Variants in ERLEC1 observed in about 807,000 individuals in gnomAD.
The protein encoded by ERLEC1 is endoplasmic reticulum lectin 1.
ERLEC1 carries 47 observed loss-of-function variants against 68.0 expected under a neutral mutation model. The observed-to-expected ratio is 0.69, with a 90% confidence interval of 0.55 to 0.88. The LOEUF (loss-of-function observed/expected upper bound fraction) is 0.88, where lower values mean the gene tolerates loss of function less well. Ranked by LOEUF, ERLEC1 falls within the 40% of genes least tolerant of loss-of-function variation. The probability of loss-of-function intolerance (pLI) is 0.00; values close to 1 mark genes in which losing one functional copy is unlikely to be tolerated. For missense variants in ERLEC1, 567 were observed against 583.8 expected, an observed-to-expected ratio of 0.97 and a Z score of 0.30; for synonymous variants, 225 against 203.2, an observed-to-expected ratio of 1.11 and a Z score of -0.91.
At position 53,787,215 on chromosome 2, in the gene ERLEC1, A is replaced by T; in HGVS notation, c.5A>T (p.Glu2Val). ...TGGAGAAAGCGGCGGCGGAGGATGG[A>T]GGAAGGAGGCGGCGGCGTACGGAGT... Reference protein sequence around the residue: MEEGGGGVRSLV... With the variant: MVEGGGGVRSLV... Residue 2 changes from glutamate to valine, a missense_variant, in exon 1 of 14, where the codon GAG (glutamate) becomes GTG (valine). Glu to Val is a moderately radical substitution (Grantham distance 121). Coordinates refer to ENST00000185150, the MANE Select transcript of ERLEC1 (RefSeq NM_015701.5). 6.3e-7 allele frequency: 1 copy of T among 1,583,224 alleles called. No individual in the cohort carries two copies. The highest frequency in any genetic ancestry group is 1.7e-5 in the Admixed American group (1 of 59,120).
At chr2:53,810,347 A>C (rs1049599133) in intron 10 of ERLEC1, among the ~76,000 whole-genome samples, 1 of 152,138 alleles carries the variant, frequency 6.6e-6, no homozygotes, top group African/African-American at 2.4e-5. Context: ...ATACCATATC[A>C]TCTAAGTTTA....
At chr2:53,806,146 A>G (rs1163022933) in intron 8 of ERLEC1, among the ~76,000 whole-genome samples, 3 of 152,216 alleles carry the variant, frequency 2.0e-5, no homozygotes, top group Admixed American at 6.5e-5. Flanking sequence ...AAATCTGGCT[A>G]TCAGAGTTTT....
chr2:53,809,848 G>C (rs1256805218), intron 10 of ERLEC1, among the ~76,000 whole-genome samples: 1 of 152,168 alleles, frequency 6.6e-6, no homozygotes, highest in Non-Finnish European at 1.5e-5. Context: ...CTGAGGTCAG[G>C]AGTTCGAGAC....
intron 8 of ERLEC1, among the ~76,000 whole-genome samples, chr2:53,802,212 A>G (rs1038143074): frequency 1.3e-5 from 2 of 152,054 alleles, no homozygotes; most frequent in Non-Finnish European, 2.9e-5. Context: ...ACTTCTCTAC[A>G]CTGCCTCCCC....
chr2:53,788,525 T>G (rs980580436), intron 1 of ERLEC1: 6 of 151,838 alleles, frequency 4.0e-5, no homozygotes, highest in Non-Finnish European at 7.4e-5. Flanking sequence ...AGCTTCCCAG[T>G]AGCTGGGACT....
chr2:53,799,950 A>G (rs1675919247), intron 6 of ERLEC1, among the ~76,000 whole-genome samples: 1 of 152,162 alleles, frequency 6.6e-6, no homozygotes, highest in South Asian at 2.1e-4. Context: ...GTGTAAAATG[A>G]TAAAGGAAGA....
chr2:53,798,678 G>A (rs1346813329), intron 5 of ERLEC1, among the ~76,000 whole-genome samples: 1 of 151,218 alleles, frequency 6.6e-6, no homozygotes, highest in Non-Finnish European at 1.5e-5. Flanking sequence ...CTTCTGCTTG[G>A]CTTAAGCAAA....
chr2:53,813,811 T>G (rs918637260), intron 11 of ERLEC1, among the ~76,000 whole-genome samples: 1 of 152,134 alleles, frequency 6.6e-6, no homozygotes, highest in African/African-American at 2.4e-5. Flanking sequence ...TTTAATACTT[T>G]AAGTTTTAGG....
intron 1 of ERLEC1, 109 bp downstream of exon 1, chr2:53,787,481 C>T: frequency 3.0e-6 from 4 of 1,324,108 alleles, no homozygotes; most frequent in Admixed American, 2.4e-5. Context: ...TCTGCAGACT[C>T]TTACCTTCCC....
At chr2:53,797,488 G>A (rs1558595147) in intron 3 of ERLEC1, 27 bp from the exon 4 acceptor site, 1 of 1,547,526 alleles carries the variant, frequency 6.5e-7, no homozygotes, top group East Asian at 2.3e-5. Flanking sequence ...TGGCTTTTGT[G>A]CATTGAAATA....
chr2:53,801,252 G>A, intron 6 of ERLEC1, 145 bp from the exon 7 acceptor site: 1 of 567,688 alleles, frequency 1.8e-6, no homozygotes, highest in Non-Finnish European at 3.1e-6. Flanking sequence ...AATATTAGAG[G>A]GAGAACTTAA....
chr2:53,800,512 CATACAT>C (rs1227248624), intron 6 of ERLEC1, among the ~76,000 whole-genome samples: 1 of 152,100 alleles, frequency 6.6e-6, no homozygotes, highest in African/African-American at 2.4e-5. Flanking sequence ...TTAAAAATCA[CATACAT>C]ATAAGGAAAT....
At chr2:53,797,685 G>A in intron 4 of ERLEC1, 47 bp from the exon 5 acceptor site, 1 of 1,572,654 alleles carries the variant, frequency 6.4e-7, no homozygotes, top group Non-Finnish European at 8.7e-7. Flanking sequence ...CCTTAAAAAT[G>A]TCTTTGCAAA....
In ERLEC1 at chr2:53,799,091, A is replaced by G; in HGVS notation, c.525+10A>G. ...GGAAAAATCAAATGAGGCAAGTGAC[A>G]GATGTTGATTTTTTTCCTCTTAACA... On this transcript the variant is annotated intron_variant, in intron 6 of 13. Transcript: ENST00000185150. 6.2e-7 allele frequency: 1 copy of G among 1,610,544 alleles called. No homozygotes were observed. The highest frequency in any genetic ancestry group is 1.7e-4 in the Middle Eastern group (1 of 6,050).
chr2:53,796,464 G>C (rs540219470), intron 3 of ERLEC1, among the ~76,000 whole-genome samples: 60 of 149,760 alleles, frequency 4.0e-4, no homozygotes, highest in Admixed American at 1.3e-3. Context: ...TTCTTTCTTT[G>C]CTTTTTTCTT....
At chr2:53,813,503 G>C (rs1230918409) in intron 11 of ERLEC1, among the ~76,000 whole-genome samples, 1 of 152,124 alleles carries the variant, frequency 6.6e-6, no homozygotes, top group African/African-American at 2.4e-5. Flanking sequence ...TTAGTAACTG[G>C]CTCAATTCTG....
intron 10 of ERLEC1, among the ~76,000 whole-genome samples, chr2:53,812,439 A>G (rs575075750): frequency 6.6e-6 from 1 of 152,342 alleles, no homozygotes; most frequent in South Asian, 2.1e-4. Flanking sequence ...CAATAGAGAA[A>G]TAAGTATGGT....
chr2:53,792,090 A>G, intron 1 of ERLEC1, among the ~76,000 whole-genome samples: 1 of 151,374 alleles, frequency 6.6e-6, no homozygotes, highest in Non-Finnish European at 1.5e-5. Flanking sequence ...TTTTTTTTGT[A>G]TTTTTAGTAG....
chr2:53,812,200 C>T (rs1427225149), intron 10 of ERLEC1, among the ~76,000 whole-genome samples: 1 of 152,122 alleles, frequency 6.6e-6, no homozygotes, highest in African/African-American at 2.4e-5. Flanking sequence ...CAAGTGTGAG[C>T]CTCCGCGCCC....
Sources: gnomAD v4.1 joint callset for allele counts (sites outside exome capture counted in the v4.1 genomes callset) on GRCh38, gnomAD v4.1.1 for gene constraint, MANE v1.5 for transcripts, NCBI Gene and HGNC (gene_info 2026-07-23, HGNC 2026-07-21) for gene names.